The following CSNK1G1 variants were observed in gnomAD, a reference collection of about 807,000 sequenced individuals.
CSNK1G1 encodes casein kinase 1 gamma 1.
CSNK1G1 carries 22 observed loss-of-function variants against 59.6 expected under a neutral mutation model. The ratio of observed to expected loss-of-function variants is 0.37; its 90% CI spans 0.26 to 0.53. CSNK1G1 has a LOEUF of 0.53. Among genes scored for constraint, CSNK1G1 ranks in the 20% least tolerant of loss-of-function variants. The pLI, the probability that CSNK1G1 is intolerant of heterozygous loss-of-function variation, is 0.89. For synonymous variants in CSNK1G1, 179 were observed against 177.1 expected, an observed-to-expected ratio of 1.01 and a Z score of -0.08; for missense variants, 384 against 519.5, an observed-to-expected ratio of 0.74 and a Z score of 2.54.
chr15:64,261,325 G>A (rs1466365422), intron 2 of CSNK1G1, among the ~76,000 whole-genome samples: 2 of 152,178 alleles, frequency 1.3e-5, no homozygotes, highest in Non-Finnish European at 2.9e-5. Flanking sequence ...TTAGGGCCAG[G>A]TGCAGTGGCT....
intron 2 of CSNK1G1, among the ~76,000 whole-genome samples, chr15:64,284,910 C>T (rs973568488): frequency 3.9e-5 from 6 of 152,024 alleles, no homozygotes; most frequent in Non-Finnish European, 5.9e-5. Flanking sequence ...TTACTGTTAA[C>T]TTATACTGTA....
chr15:64,264,924 T>TG (rs1189900774), intron 2 of CSNK1G1, among the ~76,000 whole-genome samples: 1 of 152,174 alleles, frequency 6.6e-6, no homozygotes, highest in Non-Finnish European at 1.5e-5. Flanking sequence ...TCAGACTGAA[T>TG]GGGGAAAAAT....
At chr15:64,316,509 C>G (rs1451259561) in intron 1 of CSNK1G1, among the ~76,000 whole-genome samples, 1 of 130,028 alleles carries the variant, frequency 7.7e-6, no homozygotes, top group African/African-American at 3.0e-5. Flanking sequence ...GTTCTCCAGC[C>G]TGGACGAGAG....
intron 2 of CSNK1G1, among the ~76,000 whole-genome samples, chr15:64,281,332 C>A (rs903546029): frequency 1.3e-5 from 2 of 152,096 alleles, no homozygotes; most frequent in Non-Finnish European, 2.9e-5. Context: ...GGGCTGGGTG[C>A]AGCAGCTCAC....
At chr15:64,268,020 G>A (rs1893077126) in intron 2 of CSNK1G1, among the ~76,000 whole-genome samples, 1 of 152,044 alleles carries the variant, frequency 6.6e-6, no homozygotes. Flanking sequence ...AAACCAGTAT[G>A]CCAAAAAGAT....
chr15:64,353,070 C>T (rs1324796794), intron 1 of CSNK1G1, among the ~76,000 whole-genome samples: 2 of 151,930 alleles, frequency 1.3e-5, no homozygotes, highest in African/African-American at 4.8e-5. Context: ...GCCTAGGTGA[C>T]AGAGCAAGAA....
At chr15:64,184,678 A>G (rs1363900189) in intron 10 of CSNK1G1, among the ~76,000 whole-genome samples, 1 of 132,764 alleles carries the variant, frequency 7.5e-6, no homozygotes, top group East Asian at 2.2e-4. Context: ...CTCTGTCTCA[A>G]AAAAAAAAAA....
chr15:64,239,864 A>T (rs1318706036), intron 4 of CSNK1G1, among the ~76,000 whole-genome samples: 1 of 152,232 alleles, frequency 6.6e-6, no homozygotes, highest in African/African-American at 2.4e-5. Context: ...TACAACAGAA[A>T]TTCAACAGCA....
chr15:64,353,806 C>A (rs1334485145), intron 1 of CSNK1G1, among the ~76,000 whole-genome samples: 1 of 151,842 alleles, frequency 6.6e-6, no homozygotes, highest in Non-Finnish European at 1.5e-5. Flanking sequence ...TTCATTCTGG[C>A]CTAAGTGACA....
At chr15:64,332,521 T>C (rs1363703799) in intron 1 of CSNK1G1, among the ~76,000 whole-genome samples, 1 of 80,102 alleles carries the variant, frequency 1.2e-5, no homozygotes, top group Non-Finnish European at 2.3e-5. Flanking sequence ...CTGGGGACTG[T>C]GATGGGGTGG....
intron 11 of CSNK1G1, among the ~76,000 whole-genome samples, chr15:64,174,728 T>C (rs2081720981): frequency 6.6e-6 from 1 of 152,220 alleles, no homozygotes; most frequent in South Asian, 2.1e-4. Flanking sequence ...TATGGCATTC[T>C]TACTATGTCC....
intron 4 of CSNK1G1, among the ~76,000 whole-genome samples, chr15:64,226,890 G>A (rs1347005925): frequency 6.6e-6 from 1 of 152,148 alleles, no homozygotes; most frequent in Non-Finnish European, 1.5e-5. Flanking sequence ...GTTACCCAAA[G>A]TACAGTGATC....
chr15:64,212,496 C>G (rs1471095793), intron 6 of CSNK1G1, among the ~76,000 whole-genome samples: 1 of 152,136 alleles, frequency 6.6e-6, no homozygotes, highest in Non-Finnish European at 1.5e-5. Context: ...AACAGGATCT[C>G]TTGAAACCAG....
At chr15:64,222,436 C>CAAAAAAAAAAA (rs1567381566) in intron 4 of CSNK1G1, among the ~76,000 whole-genome samples, 3 of 114,656 alleles carry the variant, frequency 2.6e-5, no homozygotes, top group African/African-American at 1.1e-4. Context: ...AACAACACCA[C>CAAAAAAAAAAA]CAAAAAAAAA....
At chr15:64,338,308 G>A (rs1825328007) in intron 1 of CSNK1G1, among the ~76,000 whole-genome samples, 1 of 152,148 alleles carries the variant, frequency 6.6e-6, no homozygotes, top group African/African-American at 2.4e-5. Flanking sequence ...TGGATGTGAA[G>A]TGATATTTAG....
At chr15:64,271,978 T>C (rs1307492400) in intron 2 of CSNK1G1, among the ~76,000 whole-genome samples, 2 of 152,230 alleles carry the variant, frequency 1.3e-5, no homozygotes, top group African/African-American at 2.4e-5. Flanking sequence ...GTCTTCTTAT[T>C]GAATTGAACC....
At chr15:64,305,437 C>T (rs72756988) in intron 1 of CSNK1G1, among the ~76,000 whole-genome samples, 6,718 of 151,984 alleles carry the variant, frequency 0.044, 194 homozygotes, top group South Asian at 0.085. Context: ...AACAAAAGGC[C>T]AGGTGCAGTG....
intron 2 of CSNK1G1, among the ~76,000 whole-genome samples, chr15:64,262,103 T>C (rs1386693602): frequency 2.0e-5 from 3 of 152,142 alleles, no homozygotes; most frequent in African/African-American, 4.8e-5. Context: ...CAAGATTAAC[T>C]AGAAAAATAA....
intron 1 of CSNK1G1, among the ~76,000 whole-genome samples, chr15:64,309,666 C>T (rs1209989452): frequency 6.6e-6 from 1 of 152,174 alleles, no homozygotes; most frequent in Non-Finnish European, 1.5e-5. Context: ...GGGAAACAGA[C>T]ATTTGAGGTA....
Sources: gnomAD v4.1 joint callset for allele counts (sites outside exome capture counted in the v4.1 genomes callset) on GRCh38, gnomAD v4.1.1 for gene constraint, MANE v1.5 for transcripts, NCBI Gene and HGNC (gene_info 2026-07-23, HGNC 2026-07-21) for gene names.